Variants in CACNB4 observed in about 807,000 individuals in gnomAD.
CACNB4 encodes the protein voltage-dependent L-type calcium channel subunit beta-4.
Under a neutral mutation model 71.2 loss-of-function variants are expected in CACNB4, and 32 were observed. The observed-to-expected ratio is 0.45, with a 90% CI of 0.34 to 0.60. The LOEUF is 0.60. Among genes scored for constraint, CACNB4 ranks in the 20% least tolerant of loss-of-function variants. The pLI is 0.01. For missense variants in CACNB4, 464 were observed against 647.9 expected (o/e 0.72, Z 3.08); for synonymous variants, 231 against 236.9 (o/e 0.97, Z 0.23).
At chr2:151,895,737 G>A (rs1003199302) in intron 2 of CACNB4, among the ~76,000 whole-genome samples, 1 of 151,576 alleles carries the variant, frequency 6.6e-6, no homozygotes, top group East Asian at 1.9e-4. Flanking sequence ...GATTTGATAG[G>A]TGACATTAAA....
In CACNB4 at chr2:151,835,483, A is replaced by C. The variant is rs1056888836; in HGVS notation, c.*3636T>G. The C allele has an allele frequency of 6.6e-6, 1 of 151,862 alleles. No individual in the cohort carries two copies. The highest frequency in any genetic ancestry group is 1.5e-5 in the Non-Finnish European group (1 of 67,772). The allele number at this position is 151,862 out of a possible 1,614,324, so 9.4% of individuals were successfully genotyped here. Reference sequence around the variant, plus strand: ...GTCTTCTCTAGAGAAGAGGTAGTAAATATATCAGTACATAGGGTAATTTCT... The same window carrying C: ...GTCTTCTCTAGAGAAGAGGTAGTAACTATATCAGTACATAGGGTAATTTCT... On this transcript the variant is annotated 3_prime_UTR_variant, in exon 14 of 14. Coordinates refer to ENST00000539935, the MANE Select transcript of CACNB4 (RefSeq NM_000726.5).
chr2:151,946,888 G>A (rs1471455634), intron 2 of CACNB4, among the ~76,000 whole-genome samples: 1 of 152,136 alleles, frequency 6.6e-6, no homozygotes, highest in African/African-American at 2.4e-5. Flanking sequence ...CTTATGGAAG[G>A]AATATTATGA....
chr2:152,058,776 A>T (rs1685854732), intron 2 of CACNB4, among the ~76,000 whole-genome samples: 1 of 152,242 alleles, frequency 6.6e-6, no homozygotes, highest in Non-Finnish European at 1.5e-5. Flanking sequence ...AGAATGTGGA[A>T]AATGTCTCCA....
At chr2:151,936,274 G>C (rs2099862888) in intron 2 of CACNB4, 1 of 152,198 alleles carries the variant, frequency 6.6e-6, no homozygotes. Context: ...GAATTCTGGG[G>C]AGCAGCCAAC....
At chr2:151,887,235 C>A (rs928036746) in intron 2 of CACNB4, among the ~76,000 whole-genome samples, 7 of 151,764 alleles carry the variant, frequency 4.6e-5, no homozygotes, top group Admixed American at 1.3e-4. Flanking sequence ...CAGGTAGGAG[C>A]GAGCTACCCA....
chr2:152,091,026 A>G (rs926541032), intron 2 of CACNB4, among the ~76,000 whole-genome samples: 2 of 151,658 alleles, frequency 1.3e-5, no homozygotes, highest in African/African-American at 4.9e-5. Context: ...CCTGAGCAAC[A>G]GAGTGTGACT....
At position 151,939,320 on chromosome 2, in the gene CACNB4, C is replaced by T. The variant is rs575140301; in HGVS notation, c.148-55950G>A. On this transcript the variant is annotated intron_variant, in intron 2 of 13. Transcript: ENST00000539935. ...AGTGGGTTTGGTTGAGAGAATAAAG[C>T]GCCCTTGAAAATCAACAGGAAGATG... 3.9e-5 allele frequency among the ~76,000 whole-genome samples: 6 copies of T among 152,236 alleles called. 1 individual carries two copies. Among genetic ancestry groups the T allele is most frequent in the South Asian group, 4.2e-4 (2 of 4,818 alleles).
Position 151,880,862 on chromosome 2 carries a change from C to T in CACNB4, c.328G>A (p.Asp110Asn), listed in dbSNP as rs780437069. The T allele has an allele frequency of 1.2e-6, 2 of 1,613,848 alleles. No homozygotes were observed. Among genetic ancestry groups the T allele is most frequent in the East Asian group, 2.2e-5 (1 of 44,886 alleles). The change falls in exon 4 of 14, where the codon GAT becomes AAT. Residue 110 changes from aspartate (D) to asparagine (N), a missense_variant. Around this residue, in one of 3 missense-constraint regions of CACNB4, gnomAD observed 299 missense variants for 471.7 expected, o/e 0.63. Transcript: ENST00000539935. Reference sequence around the variant, plus strand: ...ATAGCTGTGCTTGGAACAGGCACATCCTCGTCCAGGGCGCCGCAGTAGCTC... The same window carrying T: ...ATAGCTGTGCTTGGAACAGGCACATTCTCGTCCAGGGCGCCGCAGTAGCTC... Reference protein sequence around the residue: ...NVSYCGALDEDVPVPSTAISF... With the variant: ...NVSYCGALDENVPVPSTAISF...
chr2:151,840,295 A>G (rs1005015378), intron 13 of CACNB4, among the ~76,000 whole-genome samples: 3 of 152,240 alleles, frequency 2.0e-5, no homozygotes, highest in African/African-American at 7.2e-5. Context: ...GTGCCTCACA[A>G]TGAAGTGTCA....
rs559986631 is a variant in CACNB4 at position 152,094,201 on chromosome 2, T to C, written c.147+4129A>G. Among the ~76,000 whole-genome samples, 4 of 152,090 alleles carry C rather than the reference T, an allele frequency of 2.6e-5. No individual in the cohort carries two copies. In the East Asian group the frequency reaches 5.8e-4, roughly 22 times the overall value. On this transcript the variant is annotated intron_variant, in intron 2 of 13. Coordinates refer to ENST00000539935, the MANE Select transcript of CACNB4 (RefSeq NM_000726.5). ...TGGGGAACTGACTTTATCAGGAAGG[T>C]TAGAAGAGGAAGTGAAGACTAAACC...
chr2:152,042,453 T>C (rs376754365), intron 2 of CACNB4, among the ~76,000 whole-genome samples: 1 of 152,178 alleles, frequency 6.6e-6, no homozygotes, highest in Non-Finnish European at 1.5e-5. Context: ...TGAGGATCCC[T>C]GAGTGAGTCC....
At chr2:151,980,640 T>C (rs1460933411) in intron 2 of CACNB4, among the ~76,000 whole-genome samples, 2 of 152,316 alleles carry the variant, frequency 1.3e-5, no homozygotes, top group Admixed American at 6.5e-5. Context: ...TGCACTTTGG[T>C]TGACAAAACA....
rs77426822 is a variant in CACNB4 at position 151,839,453 on chromosome 2, T to A, written c.1303-74A>T. 0.011 allele frequency: 13,206 copies of A among 1,184,992 alleles called. 1,200 individuals carry two copies. In the Admixed American group the frequency reaches 0.2, roughly 18 times the overall value. The allele number at this position is 1,184,992 out of a possible 1,614,324, so 73.4% of individuals were successfully genotyped here. A position where few individuals can be genotyped will look rare whatever the true frequency, so the allele number is the denominator to read the frequency against. Reference sequence around the variant, plus strand: ...TCTAAACATGTAAATGTATGTAAAATCATAGGATCTGTACAATAAGATGCT... The same window carrying A: ...TCTAAACATGTAAATGTATGTAAAAACATAGGATCTGTACAATAAGATGCT... On this transcript the variant is annotated intron_variant, in intron 13 of 13. Coordinates refer to ENST00000539935, the MANE Select transcript of CACNB4 (RefSeq NM_000726.5).
intron 2 of CACNB4, among the ~76,000 whole-genome samples, chr2:151,981,347 GCA>G (rs1479152584): frequency 4.3e-3 from 2 of 460 alleles, no homozygotes; most frequent in African/African-American, 0.011. Flanking sequence ...CCATCATAAT[GCA>G]TGCAGCCTAG....
At chr2:151,856,148 C>A (rs897903827) in intron 10 of CACNB4, among the ~76,000 whole-genome samples, 3 of 143,162 alleles carry the variant, frequency 2.1e-5, no homozygotes, top group African/African-American at 5.4e-5. Context: ...CTGAAGCAAT[C>A]CAGTTTTTTT....
intron 2 of CACNB4, among the ~76,000 whole-genome samples, chr2:151,919,850 A>AAACAAC (rs369127085): frequency 3.0e-4 from 46 of 152,188 alleles, no homozygotes; most frequent in African/African-American, 1.0e-3. Context: ...ACAAACAAAC[A>AAACAAC]AACAACAACA....
intron 2 of CACNB4, among the ~76,000 whole-genome samples, chr2:151,908,226 C>A (rs2099855280): frequency 6.6e-6 from 1 of 152,194 alleles, no homozygotes; most frequent in South Asian, 2.1e-4. Flanking sequence ...ATAAGGAGAT[C>A]ATTTGCTGCT....
intron 2 of CACNB4, among the ~76,000 whole-genome samples, chr2:152,065,083 T>G (rs1320154592): frequency 1.3e-5 from 2 of 152,196 alleles, no homozygotes; most frequent in Non-Finnish European, 2.9e-5. Flanking sequence ...TTTACTTGCA[T>G]GTCTGTCCCC....
chr2:151,849,492 C>G (rs1383580988), intron 12 of CACNB4, among the ~76,000 whole-genome samples: 2 of 152,158 alleles, frequency 1.3e-5, no homozygotes, highest in African/African-American at 4.8e-5. Flanking sequence ...CTCAGTGCAG[C>G]CTTGAACTCC....
Sources: gnomAD v4.1 joint callset for allele counts (sites outside exome capture counted in the v4.1 genomes callset) on GRCh38, gnomAD v4.1.1 for gene constraint, gnomAD v4.1.1 regional missense constraint, MANE v1.5 for transcripts, NCBI Gene and HGNC (gene_info 2026-07-23, HGNC 2026-07-21) for gene names.